Variants in ALAD observed in about 807,000 individuals in gnomAD.
ALAD encodes aminolevulinate dehydratase.
Under a neutral mutation model 44.4 loss-of-function variants are expected in ALAD, and 20 were observed. The ratio of observed to expected loss-of-function variants is 0.45; its 90% confidence interval spans 0.32 to 0.65. The LOEUF is 0.65. Ranked by LOEUF, ALAD falls within the 30% of genes least tolerant of loss-of-function variation. The pLI, the probability that ALAD is intolerant of heterozygous loss-of-function variation, is 0.05. For synonymous variants in ALAD, 156 were observed against 167.9 expected (o/e 0.93, Z 0.55); for missense variants, 323 against 445.7 (o/e 0.72, Z 2.48).
At chr9:113,398,945 AG>A (rs1400574420) in intron 1 of ALAD, among the ~76,000 whole-genome samples, 1 of 152,156 alleles carries the variant, frequency 6.6e-6, no homozygotes, top group Non-Finnish European at 1.5e-5. Flanking sequence ...ACAGACTGGG[AG>A]GGCACTTCTC....
chr9:113,387,929 C>G lies in ALAD; in HGVS notation c.*371G>C, dbSNP rs1827446520. ...CCAAGGCTTCTCAGGCCCCAAGATC[C>G]CACTGCTCTCTTCTTCCCCTAATGC... On this transcript the variant is annotated 3_prime_UTR_variant, in exon 12 of 12. Transcript: ENST00000409155. The G allele has an allele frequency of 3.0e-6, 1 of 338,544 alleles. No individual in the cohort carries two copies. The highest frequency in any genetic ancestry group is 2.6e-5 in the South Asian group (1 of 38,472). 21.0% of individuals were successfully genotyped at this position (338,544 alleles called of 1,614,324 possible).
chr9:113,393,386 C>G, intron 2 of ALAD, 61 bp downstream of exon 2: 1 of 1,458,068 alleles, frequency 6.9e-7, no homozygotes. Context: ...AGTCAACACT[C>G]CCTCCCCAAC....
chr9:113,395,520 C>G (rs1000395329), intron 1 of ALAD, among the ~76,000 whole-genome samples: 1 of 152,224 alleles, frequency 6.6e-6, no homozygotes, highest in Non-Finnish European at 1.5e-5. Context: ...TATTTAATTA[C>G]GTGAAGTACA....
intron 1 of ALAD, 74 bp from the exon 2 acceptor site, chr9:113,393,708 C>T (rs1259420765): frequency 4.6e-6 from 3 of 653,594 alleles, no homozygotes; most frequent in East Asian, 5.3e-5. Flanking sequence ...GAAAACAGCT[C>T]TTCTAGATTC....
chr9:113,398,791 T>C (rs985106216), intron 1 of ALAD, among the ~76,000 whole-genome samples: 3 of 152,184 alleles, frequency 2.0e-5, no homozygotes, highest in African/African-American at 7.2e-5. Flanking sequence ...CATAGAGTCA[T>C]TCCATTGTAA....
rs1200204953 is a variant in ALAD at position 113,388,034 on chromosome 9, G to A, written c.*266C>T. The stretch of plus-strand genomic sequence containing the variant: ...CTTTCAAGCTGAAGCCACACCAGAG[G>A]AAAGAGCTGAGGGTGGCAAAGGTGG... On this transcript the variant is annotated 3_prime_UTR_variant, in exon 12 of 12. Coordinates refer to ENST00000409155, the MANE Select transcript of ALAD (RefSeq NM_000031.6). The A allele has an allele frequency of 3.9e-6, 2 of 511,994 alleles. No individual in the cohort carries two copies. The highest frequency in any genetic ancestry group is 2.0e-5 in the South Asian group (1 of 50,188). The allele number at this position is 511,994 out of a possible 1,614,324, so 31.7% of individuals were successfully genotyped here. A position where few individuals can be genotyped will look rare whatever the true frequency, so the allele number is the denominator to read the frequency against.
chr9:113,392,324 C>T (rs772806904), intron 2 of ALAD, 155 bp from the exon 3 acceptor site: 4 of 1,551,744 alleles, frequency 2.6e-6, no homozygotes, highest in Non-Finnish European at 3.5e-6. Flanking sequence ...CCTGCCTGGC[C>T]AAGCCCAGGG....
chr9:113,390,367 A>G (rs768395974), intron 7 of ALAD, 38 bp downstream of exon 7: 3 of 1,600,554 alleles, frequency 1.9e-6, no homozygotes, highest in Non-Finnish European at 2.6e-6. Flanking sequence ...GGTGCAGACT[A>G]TCTCCTGCCA....
intron 2 of ALAD, chr9:113,392,456 C>T (rs929881896): frequency 2.1e-5 from 16 of 774,754 alleles, no homozygotes; most frequent in Non-Finnish European, 2.7e-5. Flanking sequence ...TTGGCAGGTC[C>T]TTGCTTTCTA....
intron 1 of ALAD, among the ~76,000 whole-genome samples, chr9:113,395,934 CTG>C (rs1465555769): frequency 6.6e-6 from 1 of 152,204 alleles, no homozygotes; most frequent in Non-Finnish European, 1.5e-5. Flanking sequence ...TGGCTCACGC[CTG>C]TAATCCCAGC....
intron 2 of ALAD, 58 bp downstream of exon 2, chr9:113,393,389 T>TCCCCCAA: frequency 6.6e-5 from 84 of 1,270,902 alleles, no homozygotes; most frequent in Non-Finnish European, 8.9e-5. Flanking sequence ...CAACACTCCC[T>TCCCCCAA]CCCCAACCCC....
intron 7 of ALAD, among the ~76,000 whole-genome samples, chr9:113,390,046 T>C (rs1827525387): frequency 6.6e-6 from 1 of 152,042 alleles, no homozygotes; most frequent in Non-Finnish European, 1.5e-5. Context: ...TCTTTTTTTT[T>C]TTGAGATGGA....
At chr9:113,389,955 T>A in intron 7 of ALAD, 127 bp from the exon 8 acceptor site, 1 of 1,165,666 alleles carries the variant, frequency 8.6e-7, no homozygotes, top group Non-Finnish European at 1.2e-6. Flanking sequence ...GTTGGAGTGC[T>A]GGGCTTGATT....
intron 1 of ALAD, among the ~76,000 whole-genome samples, chr9:113,394,576 G>T (rs751730577): frequency 6.7e-6 from 1 of 149,426 alleles, no homozygotes; most frequent in Non-Finnish European, 1.5e-5. Flanking sequence ...TTTTATCAAA[G>T]AATCAATAAA....
In ALAD at chr9:113,391,614, C is replaced by T. The variant is rs1564372285; in HGVS notation, c.174G>A (p.Val58=). 1 of 1,613,860 alleles carries T rather than the reference C, an allele frequency of 6.2e-7. No individual in the cohort carries two copies. Among genetic ancestry groups the T allele is most frequent in the Non-Finnish European group, 8.5e-7 (1 of 1,179,900 alleles). Reference sequence around the variant, plus strand: ...GCCTCAGCATCTCTTCCAGCCGCTTCACACCATACCTGTGTGGGTGTGGGT... The same window carrying T: ...GCCTCAGCATCTCTTCCAGCCGCTTTACACCATACCTGTGTGGGTGTGGGT... ...TSLPGVARYG[V]KRLEEMLRPL... Residue 58 remains valine (V), a synonymous_variant, in exon 4 of 12, where the codon GTG becomes GTA. Transcript: ENST00000409155.
At chr9:113,398,967 C>T (rs543219775) in intron 1 of ALAD, among the ~76,000 whole-genome samples, 172 of 152,264 alleles carry the variant, frequency 1.1e-3, no homozygotes, top group Admixed American at 2.5e-3. Flanking sequence ...CCAAATCAAG[C>T]GAGCTTGCAA....
chr9:113,391,727 G>T, intron 3 of ALAD, 104 bp from the exon 4 acceptor site: 1 of 911,498 alleles, frequency 1.1e-6, no homozygotes, highest in Non-Finnish European at 1.8e-6. Context: ...AGCTGCATAT[G>T]GCACCAGGAG....
At chr9:113,390,108 G>A (rs1385019854) in intron 7 of ALAD, among the ~76,000 whole-genome samples, 1 of 151,942 alleles carries the variant, frequency 6.6e-6, no homozygotes, top group Non-Finnish European at 1.5e-5. Context: ...TCAGCTCACT[G>A]CCTCGTGGGT....
chr9:113,389,333 G>T, intron 10 of ALAD, 105 bp downstream of exon 10: 1 of 1,404,860 alleles, frequency 7.1e-7, no homozygotes, highest in African/African-American at 1.4e-5. Context: ...GGGGAGGAGA[G>T]GATGCATGCT....
Sources: allele counts gnomAD v4.1 joint callset (sites outside exome capture counted in the v4.1 genomes callset), GRCh38; gene constraint gnomAD v4.1.1; transcripts MANE v1.5; gene names NCBI Gene and HGNC (gene_info 2026-07-23, HGNC 2026-07-21).